The following MCM9 variants were observed in gnomAD, a reference collection of about 807,000 sequenced individuals.
The protein encoded by MCM9 is DNA helicase MCM9.
MCM9 carries 55 observed loss-of-function variants against 72.8 expected under a neutral mutation model. The ratio of observed to expected loss-of-function variants is 0.76; its 90% CI spans 0.61 to 0.95. The LOEUF is 0.95. MCM9 is among the 40% of genes least tolerant of loss of function. The pLI, the probability that MCM9 is intolerant of heterozygous loss-of-function variation, is 0.00. For synonymous variants in MCM9, 480 were observed against 503.4 expected, an observed-to-expected ratio of 0.95 and a Z score of 0.62; for missense variants, 1,279 against 1,377.0, an observed-to-expected ratio of 0.93 and a Z score of 1.13.
intron 12 of MCM9, 140 bp downstream of exon 12, chr6:118,826,642 C>A: frequency 1.5e-6 from 1 of 675,866 alleles, no homozygotes; most frequent in Non-Finnish European, 2.5e-6. Flanking sequence ...TAATCGGTTA[C>A]CTTTGGATAT....
chr6:118,909,509 G>A (rs916695976), intron 8 of MCM9, among the ~76,000 whole-genome samples: 9 of 152,002 alleles, frequency 5.9e-5, no homozygotes, highest in African/African-American at 1.2e-4. Flanking sequence ...CCGGTCTAGC[G>A]TCATTTGCCA....
chr6:118,911,741 A>G lies in MCM9; in HGVS notation c.1059T>C (p.Asp353=). 2 of 1,613,420 alleles carry G rather than the reference A, an allele frequency of 1.2e-6. No homozygotes were observed. The highest frequency in any genetic ancestry group is 1.7e-6 in the Non-Finnish European group (2 of 1,179,734). ...RGESHLLLVG[D]PGTGKSQFLK... is the part of the protein sequence containing the mutation. ...GGAACTGAGATTTCCCTGTGCCAGG[A>G]TCCCCAACCAATAAAAGATGAGATT... is the stretch of plus-strand genomic sequence containing the variant. The change falls in exon 8 of 14, where the codon GAT becomes GAC. Residue 353 remains aspartate, a synonymous_variant. Coordinates refer to ENST00000619706, the MANE Select transcript of MCM9 (RefSeq NM_017696.3).
chr6:118,821,797 T>G (rs1265692405), intron 13 of MCM9, among the ~76,000 whole-genome samples: 3 of 152,200 alleles, frequency 2.0e-5, no homozygotes, highest in African/African-American at 7.2e-5. Context: ...GTCCCATATT[T>G]CTTGGAGGTT....
Position 118,815,742 on chromosome 6 carries a change from T to A in MCM9, c.2514A>T (p.Ser838=). 1.3e-6 allele frequency: 2 copies of A among 1,544,012 alleles called. No individual in the cohort carries two copies. The highest frequency in any genetic ancestry group is 1.7e-6 in the Non-Finnish European group (2 of 1,146,990). Reference sequence around the variant, plus strand: ...TCCTGGGGACATGATGAGTCAGTACTGAGTCTGGTTTATCAGCAGAGACTG... The same window carrying A: ...TCCTGGGGACATGATGAGTCAGTACAGAGTCTGGTTTATCAGCAGAGACTG... The part of the protein sequence containing the change: ...EAAVSADKPD[S]VLTHHVPRNL... Residue 838 remains serine, a synonymous_variant, in exon 14 of 14, where the codon TCA becomes TCT. Coordinates refer to ENST00000619706, the MANE Select transcript of MCM9 (RefSeq NM_017696.3).
At chr6:118,856,578 T>C (rs1776567137) in intron 8 of MCM9, 33 bp from the exon 9 acceptor site, 1 of 1,533,948 alleles carries the variant, frequency 6.5e-7, no homozygotes, top group Non-Finnish European at 8.7e-7. Context: ...TCAACTTTTA[T>C]TTTCAAAAGC....
At chr6:118,848,382 G>T (rs958690703) in intron 9 of MCM9, among the ~76,000 whole-genome samples, 1 of 151,716 alleles carries the variant, frequency 6.6e-6, no homozygotes, top group Admixed American at 6.6e-5. Flanking sequence ...GTAAGCCCTA[G>T]AATAGGGGTT....
chr6:118,910,636 T>G, intron 8 of MCM9: 1 of 985,362 alleles, frequency 1.0e-6, no homozygotes, highest in South Asian at 4.7e-5. Flanking sequence ...GGTATCATTT[T>G]ATACAGAACT....
chr6:118,913,472 A>G, intron 6 of MCM9, 52 bp from the exon 7 acceptor site: 1 of 1,608,570 alleles, frequency 6.2e-7, no homozygotes, highest in Non-Finnish European at 8.5e-7. Context: ...AGAAACCCCA[A>G]CTGAAATTTC....
chr6:118,919,496 C>T (rs1056440200), intron 5 of MCM9: 8 of 152,070 alleles, frequency 5.3e-5, no homozygotes, highest in African/African-American at 1.9e-4. Context: ...TAAATATTAG[C>T]TCTTCTTATA....
chr6:118,873,983 G>C (rs1180507145), intron 8 of MCM9, among the ~76,000 whole-genome samples: 1 of 152,194 alleles, frequency 6.6e-6, no homozygotes, highest in Non-Finnish European at 1.5e-5. Flanking sequence ...GGCTGGGGGT[G>C]GTGGCTCATG....
At chr6:118,859,213 A>C (rs532131493) in intron 8 of MCM9, among the ~76,000 whole-genome samples, 1 of 152,234 alleles carries the variant, frequency 6.6e-6, no homozygotes, top group African/African-American at 2.4e-5. Context: ...TCTTCATGCA[A>C]GAAGAAAAAA....
rs1370081812 is a variant in MCM9 at position 118,893,308 on chromosome 6, C to G, written c.1150+18342G>C. Among the ~76,000 whole-genome samples the G allele has an allele frequency of 3.9e-5, 6 of 152,138 alleles. No homozygotes were observed. In the East Asian group the frequency reaches 9.6e-4, roughly 24 times the overall value. ...TTGAAGATCAAATGTCTTGCTATGT[C>G]TTTGTGTTCTTTTTCCCATCTCTAT... On this transcript the variant is annotated intron_variant, in intron 8 of 13. Transcript: ENST00000619706.
intron 5 of MCM9, chr6:118,918,023 A>T (rs1228302330): frequency 1.7e-5 from 8 of 471,674 alleles, no homozygotes; most frequent in Non-Finnish European, 2.6e-5. Context: ...AATCCTACAA[A>T]ATTATTACTT....
intron 11 of MCM9, 133 bp from the exon 12 acceptor site, chr6:118,826,997 A>T (rs1774210573): frequency 1.4e-6 from 1 of 693,428 alleles, no homozygotes; most frequent in Non-Finnish European, 2.5e-6. Context: ...TAGAACAAGC[A>T]CAAAAGTCAA....
chr6:118,820,565 G>C (rs1305019601), intron 13 of MCM9, among the ~76,000 whole-genome samples: 2 of 152,196 alleles, frequency 1.3e-5, no homozygotes, highest in African/African-American at 2.4e-5. Context: ...TTTAGAATAA[G>C]TGCTATGTGG....
chr6:118,893,854 A>AC (rs1315372443), intron 8 of MCM9, among the ~76,000 whole-genome samples: 1 of 80,072 alleles, frequency 1.2e-5, no homozygotes, highest in African/African-American at 3.2e-5. Flanking sequence ...ACAAAAAAAA[A>AC]AACAAAAAAA....
At chr6:118,892,634 C>A (rs1779022891) in intron 8 of MCM9, among the ~76,000 whole-genome samples, 1 of 152,092 alleles carries the variant, frequency 6.6e-6, no homozygotes, top group Non-Finnish European at 1.5e-5. Flanking sequence ...GTGTTAGGAC[C>A]AGCACTAATA....
chr6:118,869,971 T>G (rs1461893041), intron 8 of MCM9, among the ~76,000 whole-genome samples: 2 of 152,180 alleles, frequency 1.3e-5, no homozygotes, highest in African/African-American at 4.8e-5. Context: ...TAAATATATA[T>G]GCACCCAACA....
intron 8 of MCM9, among the ~76,000 whole-genome samples, chr6:118,896,865 G>T (rs1779454766): frequency 6.6e-6 from 1 of 151,136 alleles, no homozygotes; most frequent in African/African-American, 2.4e-5. Flanking sequence ...AGACAGTGTT[G>T]CTCTGGCACT....
Sources: gnomAD v4.1 joint callset for allele counts (sites outside exome capture counted in the v4.1 genomes callset) on GRCh38, gnomAD v4.1.1 for gene constraint, MANE v1.5 for transcripts, NCBI Gene and HGNC (gene_info 2026-07-23, HGNC 2026-07-21) for gene names.